The following GRID1 variants were observed in gnomAD, a reference collection of about 807,000 sequenced individuals.
GRID1 encodes the protein glutamate ionotropic receptor delta type subunit 1.
Under a neutral mutation model 98.0 loss-of-function variants are expected in GRID1, and 28 were observed. The ratio of observed to expected loss-of-function variants is 0.29; its 90% CI spans 0.21 to 0.39. GRID1 has a LOEUF of 0.39. Among genes scored for constraint, GRID1 ranks in the 10% least tolerant of loss-of-function variants. The pLI, the probability that GRID1 is intolerant of heterozygous loss-of-function variation, is 1.00. For synonymous variants in GRID1, 553 were observed against 538.5 expected, an observed-to-expected ratio of 1.03 and a Z score of -0.37; for missense variants, 1,111 against 1,340.5, an observed-to-expected ratio of 0.83 and a Z score of 2.67.
intron 4 of GRID1, among the ~76,000 whole-genome samples, chr10:86,068,177 G>A (rs999511508): frequency 6.6e-6 from 1 of 152,178 alleles, no homozygotes; most frequent in Non-Finnish European, 1.5e-5. Context: ...CAGTGACTTG[G>A]CCAAGGTCAC....
intron 8 of GRID1, among the ~76,000 whole-genome samples, chr10:85,764,512 A>G (rs1842178423): frequency 6.6e-6 from 1 of 152,192 alleles, no homozygotes; most frequent in South Asian, 2.1e-4. Context: ...AAAGTCAGCC[A>G]CCTGGGCTGC....
chr10:85,953,927 GTAGAAAATCA>G (rs1257810943), intron 4 of GRID1, among the ~76,000 whole-genome samples: 2 of 152,104 alleles, frequency 1.3e-5, no homozygotes, highest in African/African-American at 4.8e-5. Flanking sequence ...CCTCTCTGTG[GTAGAAAATCA>G]TTGCAGTTCT....
At chr10:86,070,423 T>G (rs572442685) in intron 4 of GRID1, among the ~76,000 whole-genome samples, 1 of 152,342 alleles carries the variant, frequency 6.6e-6, no homozygotes, top group East Asian at 1.9e-4. Context: ...TATTTCTTCC[T>G]GGCATAAATT....
intron 2 of GRID1, among the ~76,000 whole-genome samples, chr10:86,317,989 C>T (rs1042156649): frequency 4.6e-5 from 7 of 152,200 alleles, no homozygotes; most frequent in African/African-American, 1.4e-4. Flanking sequence ...AATCCTCCCA[C>T]CTTGGTCTCC....
At chr10:86,117,867 A>C (rs1433265603) in intron 4 of GRID1, among the ~76,000 whole-genome samples, 3 of 152,260 alleles carry the variant, frequency 2.0e-5, no homozygotes, top group Admixed American at 1.3e-4. Context: ...AATGTAAACT[A>C]GTACCACCTC....
intron 12 of GRID1, 111 bp from the exon 13 acceptor site, chr10:85,647,508 A>T (rs778071246): frequency 1.2e-4 from 98 of 797,324 alleles, no homozygotes; most frequent in Non-Finnish European, 1.9e-4. Context: ...ATGGCCCACT[A>T]TCCACATTCT....
rs185364749 is a variant in GRID1 at position 86,051,504 on chromosome 10, A to G, written c.726+87315T>C. Reference sequence around the variant, plus strand: ...CCATATATAAATCAAACCCTGTTTCATGAAGGGAAAAGGCAAAAAAAAAAA... The same window carrying G: ...CCATATATAAATCAAACCCTGTTTCGTGAAGGGAAAAGGCAAAAAAAAAAA... On this transcript the variant is annotated intron_variant, in intron 4 of 15. Coordinates refer to ENST00000327946, the MANE Select transcript of GRID1 (RefSeq NM_017551.3). Among the ~76,000 whole-genome samples the G allele has an allele frequency of 3.6e-3, 551 of 151,466 alleles. 3 individuals are homozygous for G. Among genetic ancestry groups the G allele is most frequent in the African/African-American group, 0.013 (516 of 41,062 alleles).
At chr10:85,923,929 C>T (rs1306749039) in intron 4 of GRID1, among the ~76,000 whole-genome samples, 1 of 152,150 alleles carries the variant, frequency 6.6e-6, no homozygotes, top group Non-Finnish European at 1.5e-5. Flanking sequence ...CACCCCCTTT[C>T]AAAATTCCTG....
intron 8 of GRID1, among the ~76,000 whole-genome samples, chr10:85,816,672 T>TAATTTTTTC (rs1200994852): frequency 6.6e-6 from 1 of 152,232 alleles, no homozygotes; most frequent in Non-Finnish European, 1.5e-5. Context: ...CTTTATTGTA[T>TAATTTTTTC]AATTTTTTCA....
intron 3 of GRID1, among the ~76,000 whole-genome samples, chr10:86,187,012 G>T (rs1012610400): frequency 2.1e-4 from 32 of 152,168 alleles, no homozygotes; most frequent in African/African-American, 7.5e-4. Flanking sequence ...TGCCTTGGTG[G>T]ACATCCCAGA....
chr10:85,681,353 C>G lies in GRID1; in HGVS notation c.1998-33956G>C, dbSNP rs527429828. Among the ~76,000 whole-genome samples the G allele has an allele frequency of 4.1e-4, 63 of 151,890 alleles. 1 individual carries two copies. Among genetic ancestry groups the G allele is most frequent in the Non-Finnish European group, 8.2e-4 (56 of 68,024 alleles). On this transcript the variant is annotated intron_variant, in intron 12 of 15. Coordinates refer to ENST00000327946, the MANE Select transcript of GRID1 (RefSeq NM_017551.3). ...ATGTATTATCTATTTTTTTCTAATT[C>G]AAACAACACCTATGAAGCAGATATT...
At chr10:85,752,190 TG>T (rs1168377549) in intron 8 of GRID1, among the ~76,000 whole-genome samples, 1 of 152,144 alleles carries the variant, frequency 6.6e-6, no homozygotes, top group Non-Finnish European at 1.5e-5. Flanking sequence ...TTAGAATTGG[TG>T]GGAAACACAT....
chr10:85,661,034 C>A (rs145570280), intron 12 of GRID1, among the ~76,000 whole-genome samples: 1 of 152,130 alleles, frequency 6.6e-6, no homozygotes, highest in Non-Finnish European at 1.5e-5. Flanking sequence ...TGTTAGCTAT[C>A]GTTATGAGCT....
At chr10:85,642,221 C>T (rs548454923) in intron 13 of GRID1, among the ~76,000 whole-genome samples, 1 of 152,306 alleles carries the variant, frequency 6.6e-6, no homozygotes, top group East Asian at 1.9e-4. Context: ...ATGAGTTGGG[C>T]TGTTGTCCAA....
At chr10:85,854,966 A>T (rs1320420064) in intron 7 of GRID1, among the ~76,000 whole-genome samples, 1 of 152,222 alleles carries the variant, frequency 6.6e-6, no homozygotes, top group African/African-American at 2.4e-5. Context: ...CCTTGCAATC[A>T]GTTCCAGGGG....
intron 4 of GRID1, among the ~76,000 whole-genome samples, chr10:86,113,877 A>C (rs1245876544): frequency 1.3e-5 from 2 of 152,258 alleles, no homozygotes; most frequent in Admixed American, 6.5e-5. Context: ...TAGAAGCCAC[A>C]GGACAGCTTT....
At position 86,258,553 on chromosome 10, in the gene GRID1, C is replaced by A. The variant is rs554409556; in HGVS notation, c.236-51905G>T. Among the ~76,000 whole-genome samples the A allele has an allele frequency of 9.1e-4, 139 of 152,276 alleles. 1 individual carries two copies. Among genetic ancestry groups the A allele is most frequent in the African/African-American group, 3.1e-3 (129 of 41,548 alleles). On this transcript the variant is annotated intron_variant, in intron 2 of 15. Transcript: ENST00000327946. ...CCCACAGCATCTTTATTCCAAGACC[C>A]AGGCTTGAGGGAGAAGCCCCCATCT...
intron 4 of GRID1, among the ~76,000 whole-genome samples, chr10:85,981,770 T>C (rs1308220192): frequency 1.3e-5 from 2 of 152,126 alleles, no homozygotes; most frequent in Non-Finnish European, 2.9e-5. Context: ...GCATGGAGAA[T>C]AGAGCTGCAG....
At chr10:85,822,471 A>G (rs939864262) in intron 8 of GRID1, among the ~76,000 whole-genome samples, 7 of 152,202 alleles carry the variant, frequency 4.6e-5, no homozygotes, top group Admixed American at 4.6e-4. Flanking sequence ...AGAAATGCAA[A>G]TCAAAACCAC....
Sources: allele counts gnomAD v4.1 joint callset (sites outside exome capture counted in the v4.1 genomes callset), GRCh38; gene constraint gnomAD v4.1.1; transcripts MANE v1.5; gene names NCBI Gene and HGNC (gene_info 2026-07-23, HGNC 2026-07-21).